The following KCTD8 variants were observed in gnomAD, a reference collection of about 807,000 sequenced individuals.
The protein encoded by KCTD8 is potassium channel tetramerization domain containing 8, also known as BTB/POZ domain-containing protein KCTD8.
Under a neutral mutation model 31.5 loss-of-function variants are expected in KCTD8, and 27 were observed. That is an observed-to-expected ratio of 0.86 (90% CI 0.63 to 1.18). The LOEUF is 1.18. Among genes scored for constraint, KCTD8 ranks in the 50% most tolerant of loss-of-function variants. The pLI, the probability that KCTD8 is intolerant of heterozygous loss-of-function variation, is 0.00. For missense variants in KCTD8, 658 were observed against 647.7 expected, an observed-to-expected ratio of 1.02 and a Z score of -0.17; for synonymous variants, 290 against 280.0, an observed-to-expected ratio of 1.04 and a Z score of -0.36.
intron 1 of KCTD8, among the ~76,000 whole-genome samples, chr4:44,221,462 T>A (rs1255680375): frequency 6.6e-6 from 1 of 151,778 alleles, no homozygotes; most frequent in African/African-American, 2.4e-5. Flanking sequence ...GAAAGGGAGT[T>A]TATTAAGGAG....
At chr4:44,186,780 C>T (rs531987115) in intron 1 of KCTD8, among the ~76,000 whole-genome samples, 1 of 152,300 alleles carries the variant, frequency 6.6e-6, no homozygotes, top group African/African-American at 2.4e-5. Context: ...TTTTCCTTTT[C>T]GTCTTGGTAT....
At chr4:44,198,299 T>C (rs1274886679) in intron 1 of KCTD8, among the ~76,000 whole-genome samples, 3 of 152,100 alleles carry the variant, frequency 2.0e-5, no homozygotes, top group African/African-American at 4.8e-5. Flanking sequence ...TTAAGAAATA[T>C]AGAGAACCCC....
chr4:44,434,494 C>T (rs2109479791), intron 1 of KCTD8, among the ~76,000 whole-genome samples: 1 of 151,948 alleles, frequency 6.6e-6, no homozygotes, highest in East Asian at 1.9e-4. Flanking sequence ...ATAAATGCAG[C>T]CCTGGTTTAC....
intron 1 of KCTD8, among the ~76,000 whole-genome samples, chr4:44,209,276 G>C (rs1213188535): frequency 6.6e-6 from 1 of 152,048 alleles, no homozygotes; most frequent in Non-Finnish European, 1.5e-5. Flanking sequence ...GAGAATATGA[G>C]ATTCAGAACT....
intron 1 of KCTD8, among the ~76,000 whole-genome samples, chr4:44,320,126 G>A (rs780432527): frequency 7.5e-6 from 1 of 132,760 alleles, no homozygotes; most frequent in Non-Finnish European, 1.5e-5. Flanking sequence ...GAGCCAAGAT[G>A]GCTCTACTGC....
At chr4:44,233,794 T>C (rs1715194597) in intron 1 of KCTD8, among the ~76,000 whole-genome samples, 1 of 152,196 alleles carries the variant, frequency 6.6e-6, no homozygotes, top group Non-Finnish European at 1.5e-5. Context: ...TTAACTGCTT[T>C]TTCCTAAGAA....
At position 44,174,005 on chromosome 4, in the gene KCTD8, T is replaced by G. The variant is rs1481012963; in HGVS notation, c.*785A>C. ...AATAGGATCTTTCAAAGCATCATTA[T>G]ACCAATTTTCACAGCCCGATGTAAG... On this transcript the variant is annotated 3_prime_UTR_variant, in exon 2 of 2. Transcript: ENST00000360029. 6.6e-6 allele frequency: 1 copy of G among 152,178 alleles called. No individual in the cohort carries two copies. Among genetic ancestry groups the G allele is most frequent in the Non-Finnish European group, 1.5e-5 (1 of 68,004 alleles). 9.4% of individuals were successfully genotyped at this position (152,178 alleles called of 1,614,324 possible).
chr4:44,438,086 CT>C (rs1721720137), intron 1 of KCTD8, among the ~76,000 whole-genome samples: 1 of 152,090 alleles, frequency 6.6e-6, no homozygotes, highest in South Asian at 2.1e-4. Flanking sequence ...TAGGTGCAGA[CT>C]CACCAACCAG....
chr4:44,310,625 C>T (rs1051985395), intron 1 of KCTD8, among the ~76,000 whole-genome samples: 1 of 152,018 alleles, frequency 6.6e-6, no homozygotes, highest in Non-Finnish European at 1.5e-5. Flanking sequence ...GTCTTGGTAA[C>T]ATTAATTCAC....
At chr4:44,194,551 C>T (rs889558445) in intron 1 of KCTD8, among the ~76,000 whole-genome samples, 1 of 152,034 alleles carries the variant, frequency 6.6e-6, no homozygotes, top group Non-Finnish European at 1.5e-5. Flanking sequence ...ACAGAGTATG[C>T]TTCTGGTATG....
At chr4:44,244,296 T>C (rs1287673734) in intron 1 of KCTD8, among the ~76,000 whole-genome samples, 1 of 152,168 alleles carries the variant, frequency 6.6e-6, no homozygotes, top group Non-Finnish European at 1.5e-5. Context: ...GCCCAATTTT[T>C]TATCTTCTTG....
intron 1 of KCTD8, among the ~76,000 whole-genome samples, chr4:44,249,197 T>C (rs1179104199): frequency 6.6e-6 from 1 of 151,762 alleles, no homozygotes; most frequent in East Asian, 1.9e-4. Flanking sequence ...GAAATCCTCA[T>C]TATTTCTTAT....
chr4:44,279,239 C>T (rs988255922), intron 1 of KCTD8, among the ~76,000 whole-genome samples: 20 of 151,984 alleles, frequency 1.3e-4, no homozygotes, highest in Admixed American at 5.9e-4. Flanking sequence ...AAAGTTCAGG[C>T]GCAGTGTGGC....
chr4:44,288,170 A>G (rs1167744665), intron 1 of KCTD8, among the ~76,000 whole-genome samples: 1 of 152,146 alleles, frequency 6.6e-6, no homozygotes, highest in Admixed American at 6.6e-5. Flanking sequence ...CTTTTTCTAT[A>G]TAAAAGGCAC....
chr4:44,213,066 T>G (rs559414442), intron 1 of KCTD8, among the ~76,000 whole-genome samples: 100 of 152,080 alleles, frequency 6.6e-4, no homozygotes, highest in Non-Finnish European at 1.2e-3. Context: ...GCCACCCGAG[T>G]AGCTGGGTCT....
chr4:44,256,958 T>A (rs2109363899), intron 1 of KCTD8, among the ~76,000 whole-genome samples: 1 of 152,112 alleles, frequency 6.6e-6, no homozygotes, highest in Middle Eastern at 3.4e-3. Flanking sequence ...AACAGTTTCT[T>A]TTTTCATAAA....
chr4:44,442,454 G>A (rs1319472879), intron 1 of KCTD8, among the ~76,000 whole-genome samples: 1 of 152,188 alleles, frequency 6.6e-6, no homozygotes, highest in East Asian at 1.9e-4. Flanking sequence ...GGGCGTGGTG[G>A]CAGGTGCCTG....
rs372008733 is a variant in KCTD8 at position 44,337,476 on chromosome 4, C to A, written c.961+110087G>T. Among the ~76,000 whole-genome samples the A allele has an allele frequency of 9.2e-5, 14 of 151,954 alleles. 1 individual carries two copies. The East Asian group carries it at 1.7e-3, about 19-fold the overall frequency. On this transcript the variant is annotated intron_variant, in intron 1 of 1. Coordinates refer to ENST00000360029, the MANE Select transcript of KCTD8 (RefSeq NM_198353.3). Reference sequence around the variant, plus strand: ...GGATCATAAGGTCAGGAGTTCGAGACCAGCTTGGCCAGTATGGTGAAATCC... The same window carrying A: ...GGATCATAAGGTCAGGAGTTCGAGAACAGCTTGGCCAGTATGGTGAAATCC...
At chr4:44,257,455 TC>T (rs1420179232) in intron 1 of KCTD8, among the ~76,000 whole-genome samples, 1 of 151,996 alleles carries the variant, frequency 6.6e-6, no homozygotes, top group African/African-American at 2.4e-5. Flanking sequence ...GCTAGGACTG[TC>T]CCTTAGGGCA....
Sources: allele counts gnomAD v4.1 joint callset (sites outside exome capture counted in the v4.1 genomes callset), GRCh38; gene constraint gnomAD v4.1.1; transcripts MANE v1.5; gene names NCBI Gene and HGNC (gene_info 2026-07-23, HGNC 2026-07-21).